EPHA3: variants seen among roughly 807,000 people sequenced by gnomAD.
The protein encoded by EPHA3 is EPH receptor A3.
EPHA3 carries 42 observed loss-of-function variants against 107.1 expected under a neutral mutation model. The observed-to-expected ratio is 0.39, with a 90% CI of 0.31 to 0.51. The LOEUF is 0.51. Ranked by LOEUF, EPHA3 falls within the 20% of genes least tolerant of loss-of-function variation. The pLI, the probability that EPHA3 is intolerant of heterozygous loss-of-function variation, is 0.78. For synonymous variants in EPHA3, 461 were observed against 424.8 expected (o/e 1.09, Z -1.05); for missense variants, 1,183 against 1,211.2 (o/e 0.98, Z 0.35).
At chr3:89,347,626 C>A (rs896661203) in intron 5 of EPHA3, among the ~76,000 whole-genome samples, 4 of 150,430 alleles carry the variant, frequency 2.7e-5, no homozygotes, top group African/African-American at 9.8e-5. Context: ...TGCCTAATTG[C>A]CCTGGCCAGA....
chr3:89,133,420 C>T (rs1366063130), intron 2 of EPHA3, among the ~76,000 whole-genome samples: 1 of 152,182 alleles, frequency 6.6e-6, no homozygotes, highest in African/African-American at 2.4e-5. Context: ...TTACAATCAT[C>T]ACATTTTTGT....
intron 2 of EPHA3, among the ~76,000 whole-genome samples, chr3:89,154,224 G>T (rs1445644562): frequency 1.3e-5 from 2 of 151,050 alleles, no homozygotes; most frequent in Non-Finnish European, 2.9e-5. Context: ...TTTTGAGCAG[G>T]AGAACAGGAA....
intron 3 of EPHA3, among the ~76,000 whole-genome samples, chr3:89,217,614 C>A (rs1227387799): frequency 1.3e-5 from 2 of 152,034 alleles, no homozygotes. Context: ...CATAATCCAC[C>A]ACAGACTTTT....
intron 3 of EPHA3, among the ~76,000 whole-genome samples, chr3:89,299,487 A>G (rs1339237551): frequency 6.6e-6 from 1 of 151,994 alleles, no homozygotes. Flanking sequence ...CCCAGGAAAA[A>G]GTAACGGCAT....
At chr3:89,279,010 GTATA>G (rs1308165118) in intron 3 of EPHA3, among the ~76,000 whole-genome samples, 6 of 152,174 alleles carry the variant, frequency 3.9e-5, no homozygotes, top group African/African-American at 1.4e-4. Flanking sequence ...AACCAAATGT[GTATA>G]TAGTGTTTTT....
At position 89,431,303 on chromosome 3, in the gene EPHA3, G is replaced by A; in HGVS notation, c.2290G>A (p.Asp764Asn). 1.2e-6 allele frequency: 2 copies of A among 1,613,628 alleles called. No homozygotes were observed. The highest frequency in any genetic ancestry group is 1.7e-6 in the Non-Finnish European group (2 of 1,179,906). Residue 764 changes from aspartate to asparagine, a missense_variant, in exon 13 of 17, where the codon GAT becomes AAT. Physicochemically the swap from Asp to Asn is conservative, Grantham distance 23. Transcript: ENST00000336596. ...INSNLVCKVS[D>N]FGLSRVLEDD... is the part of the protein sequence containing the mutation. ...CAGTAACTTGGTGTGTAAGGTTTCT[G>A]ATTTCGGACTTTCGCGTGTCCTGGA...
intron 1 of EPHA3, among the ~76,000 whole-genome samples, chr3:89,113,189 C>A (rs909418327): frequency 6.6e-5 from 10 of 152,058 alleles, no homozygotes; most frequent in Non-Finnish European, 1.0e-4. Flanking sequence ...AAATTTACTT[C>A]TCAGAAATGT....
Position 89,407,154 on chromosome 3 carries a change from A to G in EPHA3, c.1595-115A>G. ...AACATTGTATCAGACATTAAGCCATACTTCAGGTAAAAGTAGAACACATAT... is the reference window on the plus strand; with the variant it reads ...AACATTGTATCAGACATTAAGCCATGCTTCAGGTAAAAGTAGAACACATAT... On this transcript the variant is annotated intron_variant, in intron 7 of 16. Transcript: ENST00000336596. 4 of 675,410 alleles carry G rather than the reference A, an allele frequency of 5.9e-6. No homozygotes were observed. The South Asian group carries it at 7.7e-5, about 13-fold the overall frequency. 41.8% of individuals were successfully genotyped at this position (675,410 alleles called of 1,614,324 possible).
chr3:89,414,493 C>T (rs1226395512), intron 10 of EPHA3, among the ~76,000 whole-genome samples: 3 of 151,568 alleles, frequency 2.0e-5, no homozygotes, highest in Non-Finnish European at 3.0e-5. Context: ...TTTCTTCAGT[C>T]CTGACTTCTG....
chr3:89,415,525 T>A (rs1709230449), intron 10 of EPHA3, among the ~76,000 whole-genome samples: 1 of 147,312 alleles, frequency 6.8e-6, no homozygotes, highest in South Asian at 2.1e-4. Context: ...TCAGAAATTT[T>A]ACATAAATGA....
At chr3:89,437,436 CAG>C (rs1709695208) in intron 13 of EPHA3, among the ~76,000 whole-genome samples, 1 of 150,986 alleles carries the variant, frequency 6.6e-6, no homozygotes, top group Non-Finnish European at 1.5e-5. Flanking sequence ...AAAAAAAAAA[CAG>C]AAAAATTAAT....
chr3:89,423,295 C>T (rs1308685849), intron 11 of EPHA3, among the ~76,000 whole-genome samples: 47 of 151,466 alleles, frequency 3.1e-4, no homozygotes, highest in African/African-American at 1.1e-3. Flanking sequence ...GCATGAGTAT[C>T]CACTTTCACT....
At chr3:89,416,349 G>T (rs1044023366) in intron 10 of EPHA3, among the ~76,000 whole-genome samples, 1 of 151,326 alleles carries the variant, frequency 6.6e-6, no homozygotes, top group Non-Finnish European at 1.5e-5. Context: ...TTTCATATGG[G>T]TGCAAAGTTA....
intron 3 of EPHA3, among the ~76,000 whole-genome samples, chr3:89,251,780 C>G (rs1323957324): frequency 6.6e-6 from 1 of 151,364 alleles, no homozygotes; most frequent in Middle Eastern, 3.4e-3. Flanking sequence ...GGATGTGTTC[C>G]AAGAAATTGT....
intron 5 of EPHA3, among the ~76,000 whole-genome samples, chr3:89,384,642 T>G (rs1411576412): frequency 6.6e-6 from 1 of 152,214 alleles, no homozygotes; most frequent in African/African-American, 2.4e-5. Flanking sequence ...TTTGAGGGTA[T>G]CTTATGTTTC....
At chr3:89,339,173 C>T (rs1320307515) in intron 3 of EPHA3, among the ~76,000 whole-genome samples, 1 of 151,836 alleles carries the variant, frequency 6.6e-6, no homozygotes, top group Non-Finnish European at 1.5e-5. Flanking sequence ...GAGGTCGAGA[C>T]CAGCCTGACC....
chr3:89,157,079 A>G (rs1179538752), intron 2 of EPHA3, among the ~76,000 whole-genome samples: 1 of 151,980 alleles, frequency 6.6e-6, no homozygotes, highest in Non-Finnish European at 1.5e-5. Flanking sequence ...ATAAACTTTC[A>G]CTGACAGTTC....
intron 5 of EPHA3, among the ~76,000 whole-genome samples, chr3:89,344,033 T>C (rs1184930353): frequency 1.3e-5 from 2 of 152,198 alleles, no homozygotes; most frequent in Non-Finnish European, 2.9e-5. Context: ...CAAATTATGA[T>C]CATGTGGCAA....
Position 89,441,083 on chromosome 3 carries a change from CAG to C in EPHA3, c.2347-8137_2347-8136del, listed in dbSNP as rs555040199. Among the ~76,000 whole-genome samples, 664 of 152,250 alleles carry C rather than the reference CAG, an allele frequency of 4.4e-3. 3 individuals are homozygous for C. The highest frequency in any genetic ancestry group is 6.2e-3 in the Non-Finnish European group (421 of 68,012). ...GTTTTTGAATGACAAGACAGCTGTG[CAG>C]AGAGGTTAAGACACCTGGCTAAAAT... On this transcript the variant is annotated intron_variant, in intron 13 of 16. Coordinates refer to ENST00000336596, the MANE Select transcript of EPHA3 (RefSeq NM_005233.6).
Sources: allele counts gnomAD v4.1 joint callset (sites outside exome capture counted in the v4.1 genomes callset), GRCh38; gene constraint gnomAD v4.1.1; transcripts MANE v1.5; gene names NCBI Gene and HGNC (gene_info 2026-07-23, HGNC 2026-07-21).